The following MCM6 variants were observed in gnomAD, a reference collection of about 807,000 sequenced individuals.
The protein encoded by MCM6 is minichromosome maintenance complex component 6.
In MCM6, 46 loss-of-function variants were observed where a neutral mutation model predicts 94.3. That is an observed-to-expected ratio of 0.49 (90% CI 0.39 to 0.62). MCM6 has a LOEUF of 0.62. Ranked by LOEUF, MCM6 falls within the 20% of genes least tolerant of loss-of-function variation. The probability of loss-of-function intolerance (pLI) is 0.00; values close to 1 mark genes in which losing one functional copy is unlikely to be tolerated. For synonymous variants in MCM6, 335 were observed against 351.9 expected, an observed-to-expected ratio of 0.95 and a Z score of 0.54; for missense variants, 865 against 1,017.9, an observed-to-expected ratio of 0.85 and a Z score of 2.04.
At chr2:135,867,376 C>G (rs113168311) in intron 4 of MCM6, among the ~76,000 whole-genome samples, 5 of 152,018 alleles carry the variant, frequency 3.3e-5, no homozygotes, top group South Asian at 2.1e-4. Context: ...TGTTCCCCCC[C>G]CCAAACTAAG....
chr2:135,856,680 C>T, intron 11 of MCM6, 48 bp downstream of exon 11: 1 of 1,586,634 alleles, frequency 6.3e-7, no homozygotes, highest in Non-Finnish European at 8.6e-7. Flanking sequence ...AGCCTTGTCT[C>T]ACTCGATTAC....
chr2:135,847,657 G>C (rs375216697), intron 14 of MCM6, among the ~76,000 whole-genome samples: 2 of 152,222 alleles, frequency 1.3e-5, no homozygotes, highest in South Asian at 2.1e-4. Context: ...TCCGCCTCCC[G>C]GGTTCAAGTG....
intron 4 of MCM6, among the ~76,000 whole-genome samples, chr2:135,867,495 G>A (rs758120648): frequency 4.6e-5 from 7 of 152,060 alleles, no homozygotes; most frequent in African/African-American, 9.7e-5. Flanking sequence ...AGCCAAATAA[G>A]GAGAATGATT....
intron 11 of MCM6, among the ~76,000 whole-genome samples, chr2:135,855,482 G>A (rs1399418927): frequency 1.3e-5 from 2 of 152,046 alleles, no homozygotes; most frequent in African/African-American, 4.8e-5. Context: ...CACGGGTCTT[G>A]AACTTGTTGC....
intron 3 of MCM6, among the ~76,000 whole-genome samples, chr2:135,869,621 A>G (rs1355965292): frequency 6.6e-6 from 1 of 152,182 alleles, no homozygotes; most frequent in Non-Finnish European, 1.5e-5. Flanking sequence ...ACTTTTCAAA[A>G]TATCACTTCA....
rs758891891 is a variant in MCM6, at chr2:135,848,064, C to G, written c.2042G>C (p.Gly681Ala). ...AACAAGTATCTCACCATTGATGCCA[C>G]CAGCACCCTCATCTACCTCCATCTG... The part of the protein sequence containing the change: ...EIQMEVDEGA[G>A]GINGHADSPA... Residue 681 changes from glycine to alanine, a missense_variant, in exon 14 of 17, where the codon GGT becomes GCT. Coordinates refer to ENST00000264156, the MANE Select transcript of MCM6 (RefSeq NM_005915.6). 1.9e-6 allele frequency: 3 copies of G among 1,610,670 alleles called. No individual in the cohort carries two copies. Among genetic ancestry groups the G allele is most frequent in the Non-Finnish European group, 2.5e-6 (3 of 1,177,304 alleles).
chr2:135,843,716 G>T (rs1679619350), intron 16 of MCM6, among the ~76,000 whole-genome samples: 1 of 129,688 alleles, frequency 7.7e-6, no homozygotes, highest in Admixed American at 8.6e-5. Context: ...GGCAACAAGA[G>T]CGAAACTCTG....
Position 135,856,879 on chromosome 2 carries a change from G to A in MCM6, c.1475C>T (p.Thr492Ile). The A allele has an allele frequency of 6.2e-7, 1 of 1,612,062 alleles. No individual in the cohort carries two copies. Among genetic ancestry groups the A allele is most frequent in the Non-Finnish European group, 8.5e-7 (1 of 1,179,286 alleles). The change falls in exon 11 of 17, where the codon ACT becomes ATT. Residue 492 changes from threonine to isoleucine, a missense_variant. Physicochemically the swap from Thr to Ile is moderately conservative, Grantham distance 89 (BLOSUM62 -1). This residue lies in a region of MCM6 where 153 missense variants were observed against 241.5 expected (regional missense o/e 0.63). Coordinates refer to ENST00000264156, the MANE Select transcript of MCM6 (RefSeq NM_005915.6). ...CAAAATGGACGTCCGGGCGTTCAGA[G>A]TAGCCTGACCACAAAAGAAAGAATC... ...ISITKAGVKA[T>I]LNARTSILAA...
chr2:135,865,151 CT>C lies in MCM6; in HGVS notation c.939del (p.Glu314SerfsTer16). On this transcript the variant is annotated frameshift_variant, in exon 7 of 17. Transcript: ENST00000264156. LOFTEE classifies it high-confidence loss of function. ...GCTGTCTGTTCCTCATCTCTGAGCT[CT>C]TTCCCCCCAAACTAATGGTAGAGAA... Reference protein sequence around the residue: ...VAPTNPRFGGKELRDEEQTAE... With the variant: ...VAPTNPRFGGXELRDEEQTAE... The C allele has an allele frequency of 6.5e-7, 1 of 1,531,782 alleles. No homozygotes were observed. The highest frequency in any genetic ancestry group is 8.8e-7 in the Non-Finnish European group (1 of 1,141,766). The allele number at this position is 1,531,782 out of a possible 1,614,324, so 94.9% of individuals were successfully genotyped here. A position where few individuals can be genotyped will look rare whatever the true frequency, so the allele number is the denominator to read the frequency against.
At chr2:135,875,051 G>C (rs1347631605) in intron 1 of MCM6, among the ~76,000 whole-genome samples, 1 of 152,152 alleles carries the variant, frequency 6.6e-6, no homozygotes, top group Non-Finnish European at 1.5e-5. Context: ...GTGTTTAATG[G>C]GCACAGAATG....
chr2:135,873,921 T>C (rs2105594451), intron 1 of MCM6, among the ~76,000 whole-genome samples: 1 of 152,084 alleles, frequency 6.6e-6, no homozygotes, highest in East Asian at 1.9e-4. Context: ...TAAAAACAGG[T>C]GGTGAAGTGA....
rs756607832 is a variant in MCM6, at chr2:135,866,609, T to C, written c.735A>G (p.Thr245=). The C allele has an allele frequency of 5.3e-5, 86 of 1,614,042 alleles. 1 individual carries two copies. In the East Asian group the frequency reaches 1.9e-3, roughly 36 times the overall value. ...CGTCAGGCACAACAATCAGTGTCCCTGTAAAGTCACACTTGTCACCAGCTT... is the reference window on the plus strand; with the variant it reads ...CGTCAGGCACAACAATCAGTGTCCCCGTAAAGTCACACTTGTCACCAGCTT... ...SAQAGDKCDF[T]GTLIVVPDVS... Residue 245 remains threonine, a synonymous_variant, in exon 5 of 17, where the codon ACA becomes ACG. Transcript: ENST00000264156.
At chr2:135,851,604 T>C in intron 12 of MCM6, 41 bp from the exon 13 acceptor site, 1 of 1,537,060 alleles carries the variant, frequency 6.5e-7, no homozygotes, top group Non-Finnish European at 8.8e-7. Flanking sequence ...ACATTTCTAT[T>C]TGATGAGAGC....
chr2:135,871,054 G>A (rs1448943120), intron 2 of MCM6, among the ~76,000 whole-genome samples: 1 of 152,146 alleles, frequency 6.6e-6, no homozygotes, highest in East Asian at 1.9e-4. Context: ...CATCTGGCTG[G>A]TTTGATAAGA....
At chr2:135,865,285 G>A (rs1271342561) in intron 6 of MCM6, 122 bp from the exon 7 acceptor site, 3 of 549,466 alleles carry the variant, frequency 5.5e-6, no homozygotes, top group Non-Finnish European at 8.3e-6. Flanking sequence ...TTTATTGACT[G>A]TAAAGGTTTA....
At chr2:135,868,164 C>T (rs191795850) in intron 4 of MCM6, among the ~76,000 whole-genome samples, 2 of 152,350 alleles carry the variant, frequency 1.3e-5, no homozygotes, top group East Asian at 3.9e-4. Context: ...CCAGGTCTCA[C>T]ATCAAATCAT....
chr2:135,866,528 G>T, intron 5 of MCM6, 35 bp downstream of exon 5: 2 of 1,585,768 alleles, frequency 1.3e-6, no homozygotes, highest in Non-Finnish European at 1.7e-6. Flanking sequence ...TTAGGTAACT[G>T]AGAATTTGTT....
At chr2:135,861,140 T>C (rs181510313) in intron 8 of MCM6, among the ~76,000 whole-genome samples, 4 of 152,314 alleles carry the variant, frequency 2.6e-5, no homozygotes, top group Admixed American at 1.3e-4. Flanking sequence ...AAAAGAAATA[T>C]TTAATCATAA....
chr2:135,866,142 G>A lies in MCM6; in HGVS notation c.917C>T (p.Thr306Ile). ...LVFLACCVAPTNPRFGGKELR... is the reference protein window; with the variant it reads ...LVFLACCVAPINPRFGGKELR... The stretch of plus-strand genomic sequence containing the variant: ...CCCAAAACGACTGACCCTTGGGTTG[G>A]TTGGCGCAACACAGCAGGCAAGAAA... Residue 306 changes from threonine (T) to isoleucine (I), a missense_variant, in exon 6 of 17, where the codon ACC (threonine) becomes ATC (isoleucine). Physicochemically the swap from Thr to Ile is moderately conservative, Grantham distance 89 (BLOSUM62 -1). This residue lies in a region of MCM6 where 404 missense variants were observed against 451.9 expected (regional missense o/e 0.89). Transcript: ENST00000264156. The A allele has an allele frequency of 6.2e-7, 1 of 1,614,068 alleles. No individual in the cohort carries two copies. The highest frequency in any genetic ancestry group is 8.5e-7 in the Non-Finnish European group (1 of 1,179,998).
Sources: allele counts gnomAD v4.1 joint callset (sites outside exome capture counted in the v4.1 genomes callset), GRCh38; gene constraint gnomAD v4.1.1; regional missense constraint gnomAD v4.1.1; transcripts MANE v1.5; gene names NCBI Gene and HGNC (gene_info 2026-07-23, HGNC 2026-07-21).